CYTH3: variants seen among roughly 807,000 people sequenced by gnomAD.
CYTH3 encodes cytohesin-3.
Under a neutral mutation model 55.1 loss-of-function variants are expected in CYTH3, and 23 were observed. The observed-to-expected ratio is 0.42, with a 90% confidence interval of 0.30 to 0.59. The LOEUF is 0.59. CYTH3 is among the 20% of genes least tolerant of loss of function. The pLI is 0.20. For synonymous variants in CYTH3, 249 were observed against 194.9 expected (o/e 1.28, Z -2.31); for missense variants, 413 against 524.8 (o/e 0.79, Z 2.08).
At chr7:6,241,071 G>A (rs1220066472) in intron 1 of CYTH3, among the ~76,000 whole-genome samples, 8 of 152,020 alleles carry the variant, frequency 5.3e-5, no homozygotes, top group Admixed American at 3.9e-4. Flanking sequence ...GCAGTGAGCC[G>A]AGATTGTGCC....
At chr7:6,265,691 A>C (rs556155484) in intron 1 of CYTH3, among the ~76,000 whole-genome samples, 1 of 152,208 alleles carries the variant, frequency 6.6e-6, no homozygotes, top group East Asian at 1.9e-4. Flanking sequence ...GGCCATGGTA[A>C]GGTGGTCTGA....
intron 1 of CYTH3, among the ~76,000 whole-genome samples, chr7:6,233,707 A>T (rs1779444428): frequency 6.6e-6 from 1 of 151,758 alleles, no homozygotes; most frequent in African/African-American, 2.4e-5. Context: ...TCTCAGTCCC[A>T]GCGTCTACCC....
At chr7:6,240,242 G>A (rs1026817385) in intron 1 of CYTH3, among the ~76,000 whole-genome samples, 17 of 146,448 alleles carry the variant, frequency 1.2e-4, no homozygotes, top group Non-Finnish European at 2.4e-4. Flanking sequence ...TGTGGAGGTT[G>A]CAGTGAGCTG....
At chr7:6,193,335 C>T (rs1412358011) in intron 1 of CYTH3, among the ~76,000 whole-genome samples, 2 of 151,172 alleles carry the variant, frequency 1.3e-5, no homozygotes, top group African/African-American at 2.4e-5. Flanking sequence ...CAAGATCGTG[C>T]CACTGCACTC....
At chr7:6,264,152 C>A (rs1243286070) in intron 1 of CYTH3, among the ~76,000 whole-genome samples, 1 of 151,930 alleles carries the variant, frequency 6.6e-6, no homozygotes, top group Non-Finnish European at 1.5e-5. Context: ...GAGGGTGAGG[C>A]AGAAGAATCG....
intron 6 of CYTH3, among the ~76,000 whole-genome samples, chr7:6,172,534 G>T (rs1783229038): frequency 6.6e-6 from 1 of 152,202 alleles, no homozygotes; most frequent in African/African-American, 2.4e-5. Context: ...CATCCTCAGG[G>T]CAGCTCCTCA....
At chr7:6,221,869 T>C (rs77248276) in intron 1 of CYTH3, among the ~76,000 whole-genome samples, 7,858 of 152,164 alleles carry the variant, frequency 0.052, 296 homozygotes, top group Non-Finnish European at 0.078. Flanking sequence ...GGAGGATCAT[T>C]TGAAGCCTAG....
In CYTH3 at chr7:6,170,509, C is replaced by A. The variant is rs748351886; in HGVS notation, c.823+26G>T. 1 of 1,608,306 alleles carries A rather than the reference C, an allele frequency of 6.2e-7. No homozygotes were observed. Among genetic ancestry groups the A allele is most frequent in the South Asian group, 1.1e-5 (1 of 90,442 alleles). On this transcript the variant is annotated intron_variant, in intron 9 of 12. Coordinates refer to ENST00000350796, the MANE Select transcript of CYTH3 (RefSeq NM_004227.4). The surrounding 1 kb of genome is among the most constrained non-coding windows in gnomAD (Gnocchi z 7.8). ...CTGCCATGGGCAGAGGGGTCACGCC[C>A]GGGTCCCGCTGGGCCGGCGGCTCAC...
At chr7:6,195,993 C>T (rs1391698471) in intron 1 of CYTH3, among the ~76,000 whole-genome samples, 4 of 152,170 alleles carry the variant, frequency 2.6e-5, no homozygotes, top group Non-Finnish European at 5.9e-5. Flanking sequence ...TCATCGGTAA[C>T]CCAGTCTGTT....
chr7:6,186,883 C>T (rs770193370), intron 4 of CYTH3, among the ~76,000 whole-genome samples, 167 bp downstream of exon 4: 1 of 152,240 alleles, frequency 6.6e-6, no homozygotes, highest in African/African-American at 2.4e-5. Flanking sequence ...ACTTCTGCTT[C>T]ACCCCACTCG....
At chr7:6,175,735 T>C (rs140513360) in intron 5 of CYTH3, among the ~76,000 whole-genome samples, 304 of 152,052 alleles carry the variant, frequency 2.0e-3, no homozygotes, top group African/African-American at 6.7e-3. Flanking sequence ...TTTGTAGACA[T>C]GGGGTTTCAC....
At chr7:6,227,155 A>C (rs1270941424) in intron 1 of CYTH3, among the ~76,000 whole-genome samples, 5 of 152,136 alleles carry the variant, frequency 3.3e-5, no homozygotes, top group Non-Finnish European at 5.9e-5. Flanking sequence ...AAATGATAGA[A>C]GAGGCTTTTT....
chr7:6,259,824 ATATATATATTTT>A lies in CYTH3; in HGVS notation c.34+12638_34+12649del, dbSNP rs1302147677. ...ATATATATATATATAATATATATAT[ATATATATATTTT>A]TTTTTTTTTTTAAGACGGATTTTCG... is the stretch of plus-strand genomic sequence containing the variant. On this transcript the variant is annotated intron_variant, in intron 1 of 12. Coordinates refer to ENST00000350796, the MANE Select transcript of CYTH3 (RefSeq NM_004227.4). 1.4e-3 allele frequency among the ~76,000 whole-genome samples: 34 copies of A among 24,220 alleles called. 3 individuals are homozygous for A. Among genetic ancestry groups the A allele is most frequent in the African/African-American group, 0.012 (29 of 2,418 alleles). The allele number at this position is 24,220 out of a possible 152,430, so 15.9% of individuals were successfully genotyped here.
At chr7:6,222,052 A>G (rs7791225) in intron 1 of CYTH3, among the ~76,000 whole-genome samples, 36,985 of 152,204 alleles carry the variant, frequency 0.24, 9,170 homozygotes, top group African/African-American at 0.64. Context: ...AGAAGGACTT[A>G]CACATCTGAC....
intron 1 of CYTH3, among the ~76,000 whole-genome samples, chr7:6,270,719 G>A (rs1343886643): frequency 6.6e-6 from 1 of 152,056 alleles, no homozygotes; most frequent in Non-Finnish European, 1.5e-5. Context: ...TATACGTGAG[G>A]GGTTTATTTC....
At chr7:6,202,308 G>A (rs34123833) in intron 1 of CYTH3, among the ~76,000 whole-genome samples, 15 of 152,286 alleles carry the variant, frequency 9.8e-5, no homozygotes, top group East Asian at 3.9e-4. Context: ...GGCCCCAGAC[G>A]AACGCGTAAG....
intron 1 of CYTH3, among the ~76,000 whole-genome samples, chr7:6,223,600 A>G (rs1198117060): frequency 6.6e-6 from 1 of 152,120 alleles, no homozygotes; most frequent in East Asian, 1.9e-4. Flanking sequence ...AGAGCAGTGC[A>G]AGATGTGCTT....
In CYTH3 at chr7:6,162,756, T is replaced by A. The variant is rs1311814034; in HGVS notation, c.*2188A>T. The A allele has an allele frequency of 6.6e-6, 1 of 152,280 alleles. No individual in the cohort carries two copies. The highest frequency in any genetic ancestry group is 1.5e-5 in the Non-Finnish European group (1 of 68,060). 9.4% of individuals were successfully genotyped at this position (152,280 alleles called of 1,614,324 possible). A position where few individuals can be genotyped will look rare whatever the true frequency, so the allele number is the denominator to read the frequency against. On this transcript the variant is annotated 3_prime_UTR_variant, in exon 13 of 13. Transcript: ENST00000350796. ...AGATGACAGCAAAGGGGGAGCTTGA[T>A]CATCTGGCGACTCCTTCCTGCTGCT...
intron 9 of CYTH3, among the ~76,000 whole-genome samples, chr7:6,168,220 T>A (rs547035062): frequency 0.015 from 1,376 of 91,666 alleles, 21 homozygotes; most frequent in African/African-American, 0.058. Context: ...CCTCCTAGGA[T>A]TTTTTTTTTT....
Sources: allele counts gnomAD v4.1 joint callset (sites outside exome capture counted in the v4.1 genomes callset), GRCh38; gene constraint gnomAD v4.1.1; non-coding constraint Gnocchi (gnomAD v3.1); transcripts MANE v1.5; gene names NCBI Gene and HGNC (gene_info 2026-07-23, HGNC 2026-07-21).